Variants in VPS13B observed in about 807,000 individuals in gnomAD.
The protein encoded by VPS13B is vacuolar protein sorting 13 homolog B, also known as intermembrane lipid transfer protein VPS13B.
In VPS13B, 285 loss-of-function variants were observed where a neutral mutation model predicts 426.4. The ratio of observed to expected loss-of-function variants is 0.67; its 90% CI spans 0.61 to 0.74. The LOEUF (loss-of-function observed/expected upper bound fraction) is 0.74, where lower values mean the gene tolerates loss of function less well. Ranked by LOEUF, VPS13B falls within the 30% of genes least tolerant of loss-of-function variation. The pLI is 0.00. For missense variants in VPS13B, 4,537 were observed against 4,782.6 expected (o/e 0.95, Z 1.51); for synonymous variants, 1,676 against 1,676.4 (o/e 1.00, Z 0.01).
chr8:99,665,358 A>C (rs1233262256), intron 35 of VPS13B, among the ~76,000 whole-genome samples: 12 of 152,040 alleles, frequency 7.9e-5, no homozygotes, highest in Non-Finnish European at 1.3e-4. Context: ...TTTTGTTGCC[A>C]TTGCTTTTGG....
At chr8:99,262,090 G>T (rs1048084792) in intron 17 of VPS13B, among the ~76,000 whole-genome samples, 1 of 152,112 alleles carries the variant, frequency 6.6e-6, no homozygotes, top group African/African-American at 2.4e-5. Flanking sequence ...GCAAGTGGGG[G>T]TAGAACGATG....
chr8:99,464,281 G>A (rs1246859704), intron 23 of VPS13B, among the ~76,000 whole-genome samples: 1 of 152,156 alleles, frequency 6.6e-6, no homozygotes, highest in African/African-American at 2.4e-5. Flanking sequence ...AAAGAAAACT[G>A]AGGAAAGTAT....
chr8:99,061,299 T>TTC lies in VPS13B; in HGVS notation c.291+22734_291+22735insCT, dbSNP rs1554590748. On this transcript the variant is annotated intron_variant, in intron 3 of 61. Coordinates refer to ENST00000357162, the MANE Select transcript of VPS13B (RefSeq NM_152564.5). The stretch of plus-strand genomic sequence containing the variant: ...ATGATTAGATGCTGCTAATTTTCTT[T>TTC]TTTTTTTTTTTTTTTGAACTTGTTC... 8.7e-5 allele frequency among the ~76,000 whole-genome samples: 13 copies of TTC among 149,342 alleles called. No homozygotes were observed. The Middle Eastern group carries it at 0.014, about 156-fold the overall frequency.
At chr8:99,362,212 G>T (rs1203341435) in intron 19 of VPS13B, among the ~76,000 whole-genome samples, 1 of 149,586 alleles carries the variant, frequency 6.7e-6, no homozygotes, top group Admixed American at 6.7e-5. Flanking sequence ...GCGCGATCTG[G>T]CTCACTGCAA....
At position 99,076,221 on chromosome 8, in the gene VPS13B, A is replaced by T. The variant is rs373383451; in HGVS notation, c.292-20091A>T. ...TTTTATTCTTGTGGTCTGAGAACAT[A>T]TTTGACATGATTTTGATTTTTAAAA... is the stretch of plus-strand genomic sequence containing the variant. On this transcript the variant is annotated intron_variant, in intron 3 of 61. Transcript: ENST00000357162. Among the ~76,000 whole-genome samples, 15 of 152,284 alleles carry T rather than the reference A, an allele frequency of 9.9e-5. No homozygotes were observed. In the East Asian group the frequency reaches 2.5e-3, roughly 25 times the overall value.
chr8:99,736,148 G>T (rs1241825362), intron 39 of VPS13B, among the ~76,000 whole-genome samples: 1 of 152,146 alleles, frequency 6.6e-6, no homozygotes, highest in African/African-American at 2.4e-5. Context: ...GAAGAAGTGA[G>T]GAACTAGAAA....
At chr8:99,083,223 A>G (rs1362865344) in intron 3 of VPS13B, among the ~76,000 whole-genome samples, 1 of 152,210 alleles carries the variant, frequency 6.6e-6, no homozygotes, top group East Asian at 1.9e-4. Context: ...CTTTGAAGCA[A>G]TTGTGAATGG....
chr8:99,838,497 C>T (rs1484701487), intron 54 of VPS13B, among the ~76,000 whole-genome samples: 2 of 152,228 alleles, frequency 1.3e-5, no homozygotes, highest in East Asian at 3.8e-4. Context: ...GTAGTTACCA[C>T]TTAACTACCA....
Position 99,875,691 on chromosome 8 carries a change from G to C in VPS13B, c.*25G>C. On this transcript the variant is annotated 3_prime_UTR_variant, in exon 62 of 62. Coordinates refer to ENST00000357162, the MANE Select transcript of VPS13B (RefSeq NM_152564.5). Reference sequence around the variant, plus strand: ...AGTCCCCTCTGAGGTGTTTATTCCTGCTTGTGTGATTTAGTTTTTGGGTTT... The same window carrying C: ...AGTCCCCTCTGAGGTGTTTATTCCTCCTTGTGTGATTTAGTTTTTGGGTTT... The C allele has an allele frequency of 6.2e-7, 1 of 1,613,300 alleles. No homozygotes were observed. The highest frequency in any genetic ancestry group is 8.5e-7 in the Non-Finnish European group (1 of 1,179,960).
chr8:99,550,662 T>G (rs1824233062), intron 30 of VPS13B, among the ~76,000 whole-genome samples: 1 of 152,074 alleles, frequency 6.6e-6, no homozygotes, highest in African/African-American at 2.4e-5. Flanking sequence ...TTATTGAGAC[T>G]TTTTTATTTG....
intron 2 of VPS13B, among the ~76,000 whole-genome samples, chr8:99,030,135 CT>C (rs58542671): frequency 2.4e-4 from 18 of 75,728 alleles, no homozygotes; most frequent in Admixed American, 7.7e-4. Flanking sequence ...AAAATACATG[CT>C]TTTTTTTTTT....
chr8:99,258,502 A>G (rs1207455402), intron 17 of VPS13B, among the ~76,000 whole-genome samples: 1 of 151,996 alleles, frequency 6.6e-6, no homozygotes, highest in Non-Finnish European at 1.5e-5. Flanking sequence ...AGAGTTTTGG[A>G]AAGTTTTCCT....
chr8:99,626,907 G>A lies in VPS13B; in HGVS notation c.5221-14904G>A, dbSNP rs181501712. 6.3e-3 allele frequency among the ~76,000 whole-genome samples: 953 copies of A among 152,090 alleles called. 8 individuals carry two copies. The highest frequency in any genetic ancestry group is 0.022 in the African/African-American group (895 of 41,488). ...ACAGATGAATGGATAAAGAAAATGTGGTATATGTCAACAATGGAATACTAT... is the reference window on the plus strand; with the variant it reads ...ACAGATGAATGGATAAAGAAAATGTAGTATATGTCAACAATGGAATACTAT... On this transcript the variant is annotated intron_variant, in intron 33 of 61. Transcript: ENST00000357162.
At chr8:99,287,001 G>A (rs1484211861) in intron 19 of VPS13B, among the ~76,000 whole-genome samples, 1 of 152,094 alleles carries the variant, frequency 6.6e-6, no homozygotes, top group Non-Finnish European at 1.5e-5. Flanking sequence ...CTTTCAGCCA[G>A]CTGCTTTGCC....
In VPS13B at chr8:99,511,101, C is replaced by G; in HGVS notation, c.4225-3C>G. On this transcript the variant is annotated splice_region_variant and splice_polypyrimidine_tract_variant and intron_variant, in intron 28 of 61. Coordinates refer to ENST00000357162, the MANE Select transcript of VPS13B (RefSeq NM_152564.5). ...GTATTGTGATTTCCTTTTTTTGGAA[C>G]AGACAACTACAAAACTTCTAGATGG... 6.2e-7 allele frequency: 1 copy of G among 1,611,838 alleles called. No individual in the cohort carries two copies. Among genetic ancestry groups the G allele is most frequent in the Non-Finnish European group, 8.5e-7 (1 of 1,179,914 alleles).
Position 99,701,040 on chromosome 8 carries a change from G to A in VPS13B, c.6454+1108G>A, listed in dbSNP as rs193234731. Among the ~76,000 whole-genome samples, 252 of 152,248 alleles carry A rather than the reference G, an allele frequency of 1.7e-3. 2 individuals are homozygous for A. Among genetic ancestry groups the A allele is most frequent in the South Asian group, 4.4e-3 (21 of 4,820 alleles). On this transcript the variant is annotated intron_variant, in intron 36 of 61. Coordinates refer to ENST00000357162, the MANE Select transcript of VPS13B (RefSeq NM_152564.5). ...ACTTAGTTCCACATAGCCAGGTTGG[G>A]CACAGTAGTTAAAACAGAAAGGAAA...
intron 44 of VPS13B, among the ~76,000 whole-genome samples, chr8:99,813,515 G>A (rs576366033): frequency 6.6e-6 from 1 of 152,360 alleles, no homozygotes; most frequent in East Asian, 1.9e-4. Flanking sequence ...GGCATCATAA[G>A]ACTTATCATG....
rs548157488 is a variant in VPS13B, at chr8:99,739,984, C to T, written c.7050+18937C>T. Among the ~76,000 whole-genome samples the T allele has an allele frequency of 5.9e-5, 9 of 152,238 alleles. 1 individual carries two copies. In the South Asian group the frequency reaches 1.5e-3, roughly 25 times the overall value. On this transcript the variant is annotated intron_variant, in intron 39 of 61. Transcript: ENST00000357162. ...AAAGCTAGATGGAGAATGAGTTTGA[C>T]GAGTTGAGAGAAGAAGGCTTCAGAC... is the stretch of plus-strand genomic sequence containing the variant.
At chr8:99,481,526 A>T in intron 24 of VPS13B, 73 bp from the exon 25 acceptor site, 2 of 1,466,522 alleles carry the variant, frequency 1.4e-6, no homozygotes, top group East Asian at 2.3e-5. Context: ...TAATTTTCTC[A>T]TATTATTATT....
Sources: gnomAD v4.1 joint callset for allele counts (sites outside exome capture counted in the v4.1 genomes callset) on GRCh38, gnomAD v4.1.1 for gene constraint, MANE v1.5 for transcripts, NCBI Gene and HGNC (gene_info 2026-07-23, HGNC 2026-07-21) for gene names.